ZPBP: variants seen among roughly 807,000 people sequenced by gnomAD.
ZPBP encodes zona pellucida-binding protein 1.
ZPBP carries 26 observed loss-of-function variants against 44.8 expected under a neutral mutation model. The observed-to-expected ratio is 0.58, with a 90% confidence interval of 0.43 to 0.81. The LOEUF is 0.81. Ranked by LOEUF, ZPBP falls within the 30% of genes least tolerant of loss-of-function variation. ZPBP has a pLI of 0.00. For synonymous variants in ZPBP, 174 were observed against 153.2 expected, an observed-to-expected ratio of 1.14 and a Z score of -1.00; for missense variants, 409 against 434.0, an observed-to-expected ratio of 0.94 and a Z score of 0.51.
chr7:50,070,507 A>C (rs1300857748), intron 3 of ZPBP, among the ~76,000 whole-genome samples: 1 of 152,204 alleles, frequency 6.6e-6, no homozygotes, highest in Non-Finnish European at 1.5e-5. Flanking sequence ...GCTGGGTCTC[A>C]CCCAGCCCTG....
chr7:50,047,897 T>G (rs1478697631), intron 4 of ZPBP, among the ~76,000 whole-genome samples: 1 of 152,172 alleles, frequency 6.6e-6, no homozygotes, highest in Admixed American at 6.6e-5. Flanking sequence ...AAGCACTGGA[T>G]GCAGAACCAC....
chr7:49,996,940 A>G (rs1797873802), intron 6 of ZPBP, among the ~76,000 whole-genome samples: 1 of 152,210 alleles, frequency 6.6e-6, no homozygotes, highest in South Asian at 2.1e-4. Context: ...AATTACTATT[A>G]ACTCTGAATC....
chr7:50,019,760 T>C (rs1177576322), intron 5 of ZPBP, among the ~76,000 whole-genome samples: 2 of 152,100 alleles, frequency 1.3e-5, no homozygotes, highest in African/African-American at 4.8e-5. Context: ...TGAGGTACTA[T>C]ACAATATTAT....
intron 2 of ZPBP, among the ~76,000 whole-genome samples, chr7:50,086,032 A>C (rs2128855368): frequency 6.6e-6 from 1 of 152,232 alleles, no homozygotes; most frequent in Non-Finnish European, 1.5e-5. Flanking sequence ...GCACAAAGAC[A>C]CCCTCAGCAA....
At chr7:50,017,144 C>T (rs1798853266) in intron 6 of ZPBP, among the ~76,000 whole-genome samples, 1 of 151,998 alleles carries the variant, frequency 6.6e-6, no homozygotes, top group Non-Finnish European at 1.5e-5. Context: ...ATACAACTCA[C>T]CATAATGTAA....
intron 4 of ZPBP, among the ~76,000 whole-genome samples, chr7:50,049,058 C>A (rs1800550254): frequency 6.6e-6 from 1 of 151,842 alleles, no homozygotes; most frequent in Non-Finnish European, 1.5e-5. Flanking sequence ...TCTATGCCAA[C>A]AAATTAGACA....
chr7:49,996,069 T>C (rs1797823796), intron 6 of ZPBP, among the ~76,000 whole-genome samples: 1 of 152,208 alleles, frequency 6.6e-6, no homozygotes, highest in Admixed American at 6.5e-5. Context: ...ATTGTAAATG[T>C]CCTGACTTGA....
intron 1 of ZPBP, among the ~76,000 whole-genome samples, chr7:49,929,700 A>G (rs1203073117): frequency 1.3e-5 from 2 of 152,240 alleles, no homozygotes; most frequent in Admixed American, 6.5e-5. Flanking sequence ...TGTCTAGACC[A>G]TATGAGCCCT....
chr7:50,073,630 G>C (rs1185682583), intron 3 of ZPBP, among the ~76,000 whole-genome samples: 1 of 151,972 alleles, frequency 6.6e-6, no homozygotes, highest in Non-Finnish European at 1.5e-5. Flanking sequence ...CTAAGGTAAA[G>C]GTTAAAGAAT....
chr7:49,939,842 T>A (rs888616887), intron 7 of ZPBP, among the ~76,000 whole-genome samples: 2 of 152,112 alleles, frequency 1.3e-5, no homozygotes, highest in African/African-American at 2.4e-5. Context: ...GTCACATACT[T>A]TGTGTTTCTC....
At position 49,887,748 on chromosome 7, in the gene ZPBP, T is replaced by C. The variant is rs542324925; in HGVS notation, n.509+13370A>G. On this transcript the variant is annotated intron_variant and non_coding_transcript_variant, in intron 2 of 2. Transcript: ENST00000465922. The stretch of plus-strand genomic sequence containing the variant: ...TCCATTTGTTGAATTAGGAAGTCTA[T>C]ACAACACCACACCAACCCATGGCAC... Among the ~76,000 whole-genome samples the C allele has an allele frequency of 7.2e-5, 11 of 152,268 alleles. No individual in the cohort carries two copies. The East Asian group carries it at 7.7e-4, about 11-fold the overall frequency.
chr7:50,080,752 T>C (rs1802315404), intron 3 of ZPBP, among the ~76,000 whole-genome samples: 1 of 151,808 alleles, frequency 6.6e-6, no homozygotes, highest in South Asian at 2.1e-4. Flanking sequence ...CTTCTCTGAT[T>C]ATATAAGCTG....
intron 5 of ZPBP, among the ~76,000 whole-genome samples, chr7:50,025,922 A>G (rs1407840374): frequency 6.6e-6 from 1 of 151,952 alleles, no homozygotes; most frequent in African/African-American, 2.4e-5. Flanking sequence ...GCACCAATTA[A>G]AAGGCAGAAG....
chr7:49,877,088 G>C (rs1791442204), intron 2 of ZPBP, among the ~76,000 whole-genome samples: 1 of 152,128 alleles, frequency 6.6e-6, no homozygotes, highest in African/African-American at 2.4e-5. Flanking sequence ...GAAAGATGCT[G>C]TAGTGGTGTG....
At chr7:49,871,905 AT>A (rs1344487672) in intron 2 of ZPBP, among the ~76,000 whole-genome samples, 1 of 88,642 alleles carries the variant, frequency 1.1e-5, no homozygotes, top group East Asian at 3.3e-4. Flanking sequence ...ATGTGTGTAT[AT>A]AAACACACAC....
intron 1 of ZPBP, among the ~76,000 whole-genome samples, chr7:49,906,957 A>G (rs1793132865): frequency 6.6e-6 from 1 of 152,168 alleles, no homozygotes; most frequent in African/African-American, 2.4e-5. Flanking sequence ...AAGCATTTAT[A>G]TGTTTCCTAA....
intron 6 of ZPBP, among the ~76,000 whole-genome samples, chr7:49,985,238 C>T (rs1299152034): frequency 6.6e-6 from 1 of 152,112 alleles, no homozygotes; most frequent in African/African-American, 2.4e-5. Context: ...ATGTATTTCT[C>T]ACATTTATTT....
intron 5 of ZPBP, among the ~76,000 whole-genome samples, chr7:50,020,554 C>T (rs532699506): frequency 2.4e-4 from 36 of 152,216 alleles, no homozygotes; most frequent in African/African-American, 7.5e-4. Flanking sequence ...CATCAGCTAT[C>T]TCCTCCTAAG....
chr7:49,984,505 T>G (rs986127323), intron 6 of ZPBP, among the ~76,000 whole-genome samples: 1 of 152,216 alleles, frequency 6.6e-6, no homozygotes, highest in Non-Finnish European at 1.5e-5. Flanking sequence ...AGGATGTTTT[T>G]GGGATGAAAC....
Sources: allele counts gnomAD v4.1 joint callset (sites outside exome capture counted in the v4.1 genomes callset), GRCh38; gene constraint gnomAD v4.1.1; transcripts MANE v1.5; gene names NCBI Gene and HGNC (gene_info 2026-07-23, HGNC 2026-07-21).